Variants in FRMD3 observed in about 807,000 individuals in gnomAD.
FRMD3 encodes the protein FERM domain-containing protein 3.
FRMD3 carries 33 observed loss-of-function variants against 70.2 expected under a neutral mutation model. That is an observed-to-expected ratio of 0.47 (90% CI 0.36 to 0.63). FRMD3 has a LOEUF of 0.63. Ranked by LOEUF, FRMD3 falls within the 20% of genes least tolerant of loss-of-function variation. FRMD3 has a pLI of 0.00. For missense variants in FRMD3, 632 were observed against 711.4 expected (o/e 0.89, Z 1.27); for synonymous variants, 279 against 255.9 (o/e 1.09, Z -0.86).
chr9:83,583,240 A>T, the FRMD3 span, among the ~76,000 whole-genome samples: 1 of 152,332 alleles, frequency 6.6e-6, no homozygotes, highest in Admixed American at 6.5e-5. Context: ...AAAAAATAAC[A>T]TGCTGACTAC....
intron 1 of FRMD3, among the ~76,000 whole-genome samples, chr9:83,408,021 T>A (rs1327172662): frequency 6.6e-6 from 1 of 151,986 alleles, no homozygotes; most frequent in Non-Finnish European, 1.5e-5. Flanking sequence ...GACTTCTCCA[T>A]CAGCAGCCAG....
chr9:83,529,994 T>C (rs1217578933), intron 1 of FRMD3, among the ~76,000 whole-genome samples: 1 of 152,138 alleles, frequency 6.6e-6, no homozygotes, highest in Non-Finnish European at 1.5e-5. Context: ...ATAACAAGTA[T>C]TGGAGAGGAT....
At chr9:83,404,408 G>A (rs1302111162) in intron 1 of FRMD3, among the ~76,000 whole-genome samples, 1 of 152,052 alleles carries the variant, frequency 6.6e-6, no homozygotes, top group Non-Finnish European at 1.5e-5. Flanking sequence ...GCAGCTTCCT[G>A]AAGGAAGGAA....
chr9:83,294,395 C>T (rs1373576143), intron 12 of FRMD3, among the ~76,000 whole-genome samples: 1 of 152,174 alleles, frequency 6.6e-6, no homozygotes, highest in East Asian at 1.9e-4. Context: ...AATCTACCAA[C>T]TCCTTTAAAC....
intron 3 of FRMD3, among the ~76,000 whole-genome samples, chr9:83,367,499 AT>A (rs1417980501): frequency 6.6e-6 from 1 of 152,174 alleles, no homozygotes; most frequent in Admixed American, 6.5e-5. Flanking sequence ...GAAGATGAGA[AT>A]GCAAAGGACC....
intron 1 of FRMD3, among the ~76,000 whole-genome samples, chr9:83,530,466 G>A (rs921904057): frequency 6.6e-6 from 1 of 152,178 alleles, no homozygotes; most frequent in Non-Finnish European, 1.5e-5. Flanking sequence ...GTAGATTAGT[G>A]GTTGCCTAGG....
In FRMD3 at chr9:83,292,425, G is replaced by A. The variant is rs1834462801; in HGVS notation, c.1071-1698C>T. 1.3e-5 allele frequency among the ~76,000 whole-genome samples: 2 copies of A among 152,086 alleles called. 1 individual carries two copies. Among genetic ancestry groups the A allele is most frequent in the Admixed American group, 1.3e-4 (2 of 15,268 alleles). On this transcript the variant is annotated intron_variant, in intron 12 of 13. Coordinates refer to ENST00000304195, the MANE Select transcript of FRMD3 (RefSeq NM_174938.6). ...TCTGCCCATCTCGGCCTCCCAAAAT[G>A]CTGGGATTACAGGCTTGAGCCACTA... is the stretch of plus-strand genomic sequence containing the variant.
chr9:83,568,051 A>G, the FRMD3 span, among the ~76,000 whole-genome samples: 4 of 152,202 alleles, frequency 2.6e-5, no homozygotes, highest in African/African-American at 9.6e-5. Flanking sequence ...AGAATAAGAG[A>G]TTTAATTGGA....
intron 13 of FRMD3, among the ~76,000 whole-genome samples, chr9:83,261,606 T>A (rs1832999534): frequency 6.6e-6 from 1 of 152,186 alleles, no homozygotes; most frequent in Non-Finnish European, 1.5e-5. Context: ...TGTACCCTCT[T>A]TCTTGGTGTT....
the FRMD3 span, among the ~76,000 whole-genome samples, chr9:83,578,336 A>G: frequency 6.6e-6 from 1 of 152,024 alleles, no homozygotes; most frequent in African/African-American, 2.4e-5. Context: ...TTATGAGGCC[A>G]GCATTACCCA....
At chr9:83,254,352 CA>C (rs575471463) in intron 13 of FRMD3, among the ~76,000 whole-genome samples, 4 of 151,654 alleles carry the variant, frequency 2.6e-5, no homozygotes, top group South Asian at 4.2e-4. Flanking sequence ...AAAAATATTT[CA>C]AATTTATAAT....
chr9:83,395,290 A>G (rs1825780901), intron 1 of FRMD3, among the ~76,000 whole-genome samples: 1 of 150,880 alleles, frequency 6.6e-6, no homozygotes, highest in Non-Finnish European at 1.5e-5. Flanking sequence ...AAAAAAAAAA[A>G]AGGGAACAAA....
intron 12 of FRMD3, 68 bp from the exon 13 acceptor site, chr9:83,290,795 G>A (rs1405473992): frequency 5.3e-6 from 8 of 1,513,570 alleles, no homozygotes; most frequent in Non-Finnish European, 6.2e-6. Context: ...ATCTCAGCGG[G>A]CTGCCCAAGC....
chr9:83,469,541 G>C (rs1255697575), intron 1 of FRMD3, among the ~76,000 whole-genome samples: 1 of 152,232 alleles, frequency 6.6e-6, no homozygotes, highest in Non-Finnish European at 1.5e-5. Context: ...TCTTATTCAT[G>C]AGGCTATCAC....
intron 10 of FRMD3, among the ~76,000 whole-genome samples, chr9:83,308,337 T>C (rs899453889): frequency 6.6e-6 from 1 of 152,216 alleles, no homozygotes; most frequent in Non-Finnish European, 1.5e-5. Context: ...ACTTTGCCTA[T>C]ACTTCAGATT....
intron 1 of FRMD3, among the ~76,000 whole-genome samples, chr9:83,416,775 C>G (rs1314716888): frequency 3.9e-5 from 5 of 128,750 alleles, no homozygotes; most frequent in African/African-American, 1.7e-4. Context: ...CTCTCTCTCT[C>G]TCTCTCTCTC....
chr9:83,389,754 C>A, intron 1 of FRMD3, 46 bp from the exon 2 acceptor site: 1 of 1,332,764 alleles, frequency 7.5e-7, no homozygotes, highest in Non-Finnish European at 1.1e-6. Flanking sequence ...TCACCTTGTG[C>A]ATTCACGTCC....
intron 6 of FRMD3, chr9:83,332,096 T>C (rs908290210): frequency 2.8e-5 from 16 of 564,180 alleles, no homozygotes; most frequent in Non-Finnish European, 4.4e-5. Context: ...AGAAGAAGCC[T>C]TTCTTGCTCT....
chr9:83,369,204 A>G (rs1374478263), intron 3 of FRMD3, among the ~76,000 whole-genome samples: 1 of 152,210 alleles, frequency 6.6e-6, no homozygotes, highest in Non-Finnish European at 1.5e-5. Context: ...GCAGTACTGT[A>G]TACAGCATGT....
Sources: allele counts gnomAD v4.1 joint callset (sites outside exome capture counted in the v4.1 genomes callset), GRCh38; gene constraint gnomAD v4.1.1; transcripts MANE v1.5; gene names NCBI Gene and HGNC (gene_info 2026-07-23, HGNC 2026-07-21).